RGS6: variants seen among roughly 807,000 people sequenced by gnomAD.
The protein encoded by RGS6 is regulator of G-protein signaling 6.
A neutral mutation model predicts 78.5 loss-of-function variants in RGS6; 30 were observed. That is an observed-to-expected ratio of 0.38 (90% CI 0.29 to 0.52). The LOEUF (loss-of-function observed/expected upper bound fraction) is 0.52. RGS6 is among the 20% of genes least tolerant of loss of function. The pLI is 0.85. For missense variants in RGS6, 495 were observed against 609.7 expected (o/e 0.81, Z 1.98); for synonymous variants, 206 against 206.0 (o/e 1.00, Z 0.00).
chr14:72,282,483 A>C (rs906668621), intron 2 of RGS6, among the ~76,000 whole-genome samples: 1 of 152,206 alleles, frequency 6.6e-6, no homozygotes, highest in Non-Finnish European at 1.5e-5. Flanking sequence ...TTGGAAGACA[A>C]GATGGAGCCA....
At chr14:72,472,665 C>A (rs768178520) in intron 8 of RGS6, among the ~76,000 whole-genome samples, 1 of 152,102 alleles carries the variant, frequency 6.6e-6, no homozygotes, top group Non-Finnish European at 1.5e-5. Context: ...AAAACAAGTT[C>A]TCTTACCATG....
chr14:72,599,646 G>A, the RGS6 span, among the ~76,000 whole-genome samples: 1 of 142,532 alleles, frequency 7.0e-6, no homozygotes, highest in African/African-American at 2.6e-5. Flanking sequence ...GAATGGTCTC[G>A]ATCTCCTGAC....
At chr14:72,620,000 G>A in the RGS6 span, 1 of 1,531,174 alleles carries the variant, frequency 6.5e-7, no homozygotes, top group Non-Finnish European at 8.7e-7. Flanking sequence ...GGAACACAGA[G>A]TAAGCACAGA....
At chr14:72,236,941 G>A (rs1567545607) in intron 2 of RGS6, among the ~76,000 whole-genome samples, 1 of 152,214 alleles carries the variant, frequency 6.6e-6, no homozygotes, top group Non-Finnish European at 1.5e-5. Context: ...ACCCAGAATG[G>A]TGATGCTAGT....
chr14:72,246,423 T>A (rs115591437), intron 2 of RGS6, among the ~76,000 whole-genome samples: 1 of 152,216 alleles, frequency 6.6e-6, no homozygotes, highest in East Asian at 1.9e-4. Flanking sequence ...CCTTTGGACG[T>A]GTTTCTTTTA....
the RGS6 span, among the ~76,000 whole-genome samples, chr14:71,878,177 A>T: frequency 6.6e-5 from 10 of 152,180 alleles, no homozygotes; most frequent in Admixed American, 1.3e-4. Context: ...CTCAAACTCC[A>T]TGCTGGGGGA....
In RGS6 at chr14:72,359,830, T is replaced by C. The variant is rs1220184298; in HGVS notation, c.184+7636T>C. On this transcript the variant is annotated intron_variant, in intron 3 of 17. Transcript: ENST00000553525. ...AAGCTAAGGGCTGAGAATTGATCAT[T>C]GCCTTTAGCAATGCTGAATTCATTG... Among the ~76,000 whole-genome samples, 7 of 152,340 alleles carry C rather than the reference T, an allele frequency of 4.6e-5. No individual in the cohort carries two copies. The East Asian group carries it at 1.4e-3, about 29-fold the overall frequency.
chr14:71,980,390 C>T (rs952896504), intron 2 of RGS6, among the ~76,000 whole-genome samples: 88 of 151,244 alleles, frequency 5.8e-4, no homozygotes, highest in African/African-American at 2.0e-3. Flanking sequence ...GATTTTGCAG[C>T]GGCTGGTACC....
chr14:72,584,933 A>C, the RGS6 span, among the ~76,000 whole-genome samples: 1 of 152,186 alleles, frequency 6.6e-6, no homozygotes, highest in African/African-American at 2.4e-5. Context: ...CATTGAACCA[A>C]GCCCAGGGTT....
At chr14:72,025,415 A>T (rs926372608) in intron 2 of RGS6, among the ~76,000 whole-genome samples, 1 of 152,156 alleles carries the variant, frequency 6.6e-6, no homozygotes, top group African/African-American at 2.4e-5. Flanking sequence ...GGAGAAAATG[A>T]CTTAACTCAC....
intron 14 of RGS6, among the ~76,000 whole-genome samples, 154 bp downstream of exon 14, chr14:72,510,433 T>G (rs2153447538): frequency 6.6e-6 from 1 of 152,318 alleles, no homozygotes; most frequent in South Asian, 2.1e-4. Context: ...GAAGAACAAA[T>G]TAAAATATGT....
the RGS6 span, among the ~76,000 whole-genome samples, chr14:72,603,670 G>A: frequency 6.6e-6 from 1 of 151,834 alleles, no homozygotes; most frequent in Admixed American, 6.6e-5. Flanking sequence ...AACGAGCAGG[G>A]AGCATCAGGT....
At chr14:71,925,225 G>A in the RGS6 span, among the ~76,000 whole-genome samples, 80 of 152,222 alleles carry the variant, frequency 5.3e-4, no homozygotes, top group African/African-American at 1.8e-3. Flanking sequence ...TTAAAAAAAT[G>A]TCTATTCAAG....
the RGS6 span, among the ~76,000 whole-genome samples, chr14:71,868,679 C>G: frequency 6.6e-6 from 1 of 152,182 alleles, no homozygotes; most frequent in Non-Finnish European, 1.5e-5. Flanking sequence ...TCAGTCTCAC[C>G]TGTCCTTGGG....
rs11392472 is a variant in RGS6, at chr14:72,497,857, C to CTT, written c.965+2601_965+2602dup. Among the ~76,000 whole-genome samples the CTT allele has an allele frequency of 4.0e-3, 614 of 151,860 alleles. 3 individuals carry two copies. The highest frequency in any genetic ancestry group is 0.014 in the African/African-American group (575 of 41,430). On this transcript the variant is annotated intron_variant, in intron 13 of 17. Transcript: ENST00000553525. ...TTCTCTTTTTTAAAAATTATTGCTG[C>CTT]TTTTTTTCCATTCTATCCTCACTTT... is the stretch of plus-strand genomic sequence containing the variant.
chr14:72,289,791 G>T (rs1385601235), intron 2 of RGS6, among the ~76,000 whole-genome samples: 1 of 152,146 alleles, frequency 6.6e-6, no homozygotes, highest in Non-Finnish European at 1.5e-5. Flanking sequence ...CTTAAATAGA[G>T]TACATTATCT....
At chr14:72,107,928 A>C (rs2095668463) in intron 2 of RGS6, among the ~76,000 whole-genome samples, 1 of 152,104 alleles carries the variant, frequency 6.6e-6, no homozygotes, top group Non-Finnish European at 1.5e-5. Context: ...TGCTATTCTC[A>C]TTTTCCTCTA....
chr14:72,546,042 T>G (rs953153233), intron 17 of RGS6, among the ~76,000 whole-genome samples: 1 of 152,128 alleles, frequency 6.6e-6, no homozygotes, highest in Non-Finnish European at 1.5e-5. Context: ...TGTGAGCACT[T>G]GGGAATCTCA....
chr14:71,909,219 C>T, the RGS6 span, among the ~76,000 whole-genome samples: 1,376 of 152,220 alleles, frequency 9.0e-3, 20 homozygotes, highest in African/African-American at 0.032. Flanking sequence ...TTTCTGAGGA[C>T]GCCCTACTCT....
Sources: gnomAD v4.1 joint callset for allele counts (sites outside exome capture counted in the v4.1 genomes callset) on GRCh38, gnomAD v4.1.1 for gene constraint, MANE v1.5 for transcripts, NCBI Gene and HGNC (gene_info 2026-07-23, HGNC 2026-07-21) for gene names.